The following NDUFA9 variants were observed in gnomAD, a reference collection of about 807,000 sequenced individuals.
The protein encoded by NDUFA9 is NADH:ubiquinone oxidoreductase subunit A9.
A neutral mutation model predicts 45.9 loss-of-function variants in NDUFA9; 23 were observed. The observed-to-expected ratio is 0.50, with a 90% CI of 0.36 to 0.71. The LOEUF (loss-of-function observed/expected upper bound fraction) is 0.71, where lower values mean the gene tolerates loss of function less well. Among genes scored for constraint, NDUFA9 ranks in the 30% least tolerant of loss-of-function variants. NDUFA9 has a pLI of 0.00. For synonymous variants in NDUFA9, 176 were observed against 170.5 expected (o/e 1.03, Z -0.25); for missense variants, 466 against 488.2 (o/e 0.95, Z 0.43).
At chr12:4,658,483 C>T (rs1006071522) in intron 4 of NDUFA9, among the ~76,000 whole-genome samples, 10 of 152,088 alleles carry the variant, frequency 6.6e-5, no homozygotes, top group Admixed American at 1.3e-4. Context: ...TTAACGTTAC[C>T]GAATGAAATT....
chr12:4,673,580 G>A (rs1272240161), intron 8 of NDUFA9, among the ~76,000 whole-genome samples: 2 of 151,666 alleles, frequency 1.3e-5, no homozygotes, highest in African/African-American at 2.4e-5. Flanking sequence ...GCATATCAGA[G>A]ATTGAAGATT....
chr12:4,662,105 ACT>A (rs1241230801), intron 5 of NDUFA9, among the ~76,000 whole-genome samples: 6 of 152,074 alleles, frequency 3.9e-5, no homozygotes, highest in Admixed American at 6.5e-5. Flanking sequence ...AGGATTAGTG[ACT>A]CTATCCCCAA....
intron 8 of NDUFA9, among the ~76,000 whole-genome samples, chr12:4,675,039 A>G (rs1298813855): frequency 6.6e-6 from 1 of 152,250 alleles, no homozygotes; most frequent in Admixed American, 6.5e-5. Flanking sequence ...ACTACATGGA[A>G]ACTGAACAAC....
chr12:4,673,001 G>A (rs951024522), intron 8 of NDUFA9, among the ~76,000 whole-genome samples: 6 of 152,184 alleles, frequency 3.9e-5, no homozygotes, highest in Admixed American at 3.9e-4. Context: ...CATCTGGCAG[G>A]TGCCCCTCTG....
At chr12:4,656,526 T>A (rs1945791796) in intron 3 of NDUFA9, among the ~76,000 whole-genome samples, 1 of 152,178 alleles carries the variant, frequency 6.6e-6, no homozygotes, top group African/African-American at 2.4e-5. Context: ...GTATGTTTAG[T>A]GTTTGTTTAT....
At chr12:4,669,216 G>A (rs1945871457) in intron 7 of NDUFA9, among the ~76,000 whole-genome samples, 1 of 152,202 alleles carries the variant, frequency 6.6e-6, no homozygotes, top group Non-Finnish European at 1.5e-5. Context: ...CTTCAGTTGT[G>A]ACAACTGAAA....
chr12:4,678,031 A>G (rs1356810474), intron 8 of NDUFA9, among the ~76,000 whole-genome samples: 1 of 152,196 alleles, frequency 6.6e-6, no homozygotes, highest in Non-Finnish European at 1.5e-5. Context: ...TTCTCAGCAA[A>G]CTAACACAAG....
intron 3 of NDUFA9, chr12:4,655,428 T>C (rs1463906151): frequency 6.6e-6 from 1 of 152,250 alleles, no homozygotes; most frequent in Non-Finnish European, 1.5e-5. Flanking sequence ...ACGTATAAAA[T>C]ATACACTAGA....
At chr12:4,682,381 T>C in intron 9 of NDUFA9, 81 bp downstream of exon 9, 1 of 1,008,176 alleles carries the variant, frequency 9.9e-7, no homozygotes, top group Non-Finnish European at 1.5e-6. Context: ...CTTAGGGTTA[T>C]AGGGTGTGTG....
chr12:4,669,297 C>G (rs7312558), intron 7 of NDUFA9, among the ~76,000 whole-genome samples: 55,034 of 151,988 alleles, frequency 0.36, 10,102 homozygotes, highest in South Asian at 0.53. Flanking sequence ...TTTTGAAAAT[C>G]AAAATGGTAG....
chr12:4,654,680 C>T, intron 2 of NDUFA9, 145 bp from the exon 3 acceptor site: 1 of 931,198 alleles, frequency 1.1e-6, no homozygotes, highest in Non-Finnish European at 1.6e-6. Flanking sequence ...GCTATGGCAT[C>T]TTTAGCATGG....
chr12:4,655,094 G>A (rs1945782170), intron 3 of NDUFA9, 172 bp downstream of exon 3: 1 of 561,080 alleles, frequency 1.8e-6, no homozygotes, highest in African/African-American at 1.9e-5. Flanking sequence ...TGTCATGCAA[G>A]CTCTAGATTG....
intron 8 of NDUFA9, 121 bp downstream of exon 8, chr12:4,669,938 G>T (rs2137475733): frequency 1.4e-6 from 1 of 729,296 alleles, no homozygotes; most frequent in African/African-American, 1.8e-5. Context: ...CTCATTGCTT[G>T]CATTAAATCA....
chr12:4,667,329 G>A (rs1435591464), intron 6 of NDUFA9, among the ~76,000 whole-genome samples: 1 of 152,098 alleles, frequency 6.6e-6, no homozygotes, highest in Non-Finnish European at 1.5e-5. Flanking sequence ...TTAAACCATA[G>A]CAACATCCTA....
chr12:4,685,054 T>TA (rs1245459246), intron 9 of NDUFA9: 2 of 689,054 alleles, frequency 2.9e-6, no homozygotes. Flanking sequence ...TACCAGCAGT[T>TA]ACAGCAGCCG....
chr12:4,649,140 C>A lies in NDUFA9; in HGVS notation c.14C>A (p.Ala5Glu). ...TTGTGGGAAAAGATGGCGGCTGCCG[C>A]ACAATCCCGGGTTGTCCGGGTCCTG... MAAA[A>E]QSRVVRVLSM... The change falls in exon 1 of 11, where the codon GCA becomes GAA. Residue 5 changes from alanine to glutamate, a missense_variant. By Grantham distance (107) the Ala-to-Glu change is moderately radical. Coordinates refer to ENST00000266544, the MANE Select transcript of NDUFA9 (RefSeq NM_005002.5). 6.2e-7 allele frequency: 1 copy of A among 1,605,012 alleles called. No homozygotes were observed. Among genetic ancestry groups the A allele is most frequent in the Non-Finnish European group, 8.5e-7 (1 of 1,176,050 alleles).
chr12:4,669,878 A>G, intron 8 of NDUFA9, 61 bp downstream of exon 8: 4 of 1,158,378 alleles, frequency 3.5e-6, no homozygotes, highest in Non-Finnish European at 1.3e-6. Flanking sequence ...CAATATCTAA[A>G]TTAGTTACTA....
rs764936884 is a variant in NDUFA9 at position 4,649,194 on chromosome 12, G to A, written c.49+19G>A. The A allele has an allele frequency of 1.3e-6, 2 of 1,597,312 alleles. No individual in the cohort carries two copies. Among genetic ancestry groups the A allele is most frequent in the Admixed American group, 1.7e-5 (1 of 57,564 alleles). The stretch of plus-strand genomic sequence containing the variant: ...ATGTCACGTAAGTGTTACCGGGAAC[G>A]GCGGCCCCTGGTCGGGATTCCGAGA... On this transcript the variant is annotated intron_variant, in intron 1 of 10. Transcript: ENST00000266544.
chr12:4,664,676 T>C (rs1221540666), intron 6 of NDUFA9, among the ~76,000 whole-genome samples: 1 of 152,166 alleles, frequency 6.6e-6, no homozygotes, highest in African/African-American at 2.4e-5. Flanking sequence ...GTGGGGCTGC[T>C]GCCCCAGTAG....
Sources: allele counts gnomAD v4.1 joint callset (sites outside exome capture counted in the v4.1 genomes callset), GRCh38; gene constraint gnomAD v4.1.1; transcripts MANE v1.5; gene names NCBI Gene and HGNC (gene_info 2026-07-23, HGNC 2026-07-21).